FTO: variants seen among roughly 807,000 people sequenced by gnomAD.
The protein encoded by FTO is alpha-ketoglutarate-dependent dioxygenase FTO.
FTO carries 47 observed loss-of-function variants against 63.9 expected under a neutral mutation model. The ratio of observed to expected loss-of-function variants is 0.74; its 90% CI spans 0.58 to 0.94. FTO has a LOEUF of 0.94. Among genes scored for constraint, FTO ranks in the 40% least tolerant of loss-of-function variants. FTO has a pLI of 0.00. For synonymous variants in FTO, 207 were observed against 224.4 expected (o/e 0.92, Z 0.69); for missense variants, 562 against 618.1 (o/e 0.91, Z 0.96).
chr16:53,841,691 G>A (rs1222169670), intron 3 of FTO, among the ~76,000 whole-genome samples: 1 of 152,090 alleles, frequency 6.6e-6, no homozygotes, highest in Admixed American at 6.6e-5. Context: ...GGTAGAGTAC[G>A]ACATTCAGAA....
intron 1 of FTO, among the ~76,000 whole-genome samples, chr16:53,773,572 G>C (rs958428045): frequency 6.6e-6 from 1 of 152,112 alleles, no homozygotes; most frequent in Non-Finnish European, 1.5e-5. Context: ...ACTAACAGGG[G>C]TACTTACCAA....
chr16:53,937,110 C>T (rs868002670), intron 8 of FTO: 13 of 396,524 alleles, frequency 3.3e-5, no homozygotes, highest in Middle Eastern at 6.3e-4. Flanking sequence ...TTGGGGTAAC[C>T]GAGTTTGTCA....
intron 8 of FTO, chr16:53,993,675 C>T (rs925088051): frequency 1.3e-5 from 2 of 152,180 alleles, no homozygotes. Flanking sequence ...TCTACCAATC[C>T]TCCTTTTGTA....
intron 8 of FTO, among the ~76,000 whole-genome samples, chr16:54,100,313 G>T (rs1336144531): frequency 6.6e-6 from 1 of 152,156 alleles, no homozygotes; most frequent in Non-Finnish European, 1.5e-5. Context: ...AATAGAAGAT[G>T]TATAGAATCC....
intron 2 of FTO, among the ~76,000 whole-genome samples, chr16:53,816,613 C>G (rs535007013): frequency 2.6e-5 from 4 of 151,982 alleles, no homozygotes; most frequent in African/African-American, 9.7e-5. Flanking sequence ...GGAACTCTCT[C>G]ATCCCCCCAG....
chr16:53,789,771 C>T (rs2042030), intron 1 of FTO, among the ~76,000 whole-genome samples: 14,568 of 131,538 alleles, frequency 0.11, 925 homozygotes, highest in Middle Eastern at 0.3. Context: ...TATATATACA[C>T]ACACACACAC....
intron 8 of FTO, among the ~76,000 whole-genome samples, chr16:53,988,991 A>T (rs1232382129): frequency 6.6e-6 from 1 of 152,124 alleles, no homozygotes; most frequent in Non-Finnish European, 1.5e-5. Context: ...TAAAAATGAA[A>T]AGAAATGAGG....
chr16:53,977,978 T>C (rs2083464889), intron 8 of FTO, among the ~76,000 whole-genome samples: 1 of 152,080 alleles, frequency 6.6e-6, no homozygotes, highest in East Asian at 1.9e-4. Flanking sequence ...CCTACCTGTC[T>C]CCCAGGTAGC....
intron 8 of FTO, chr16:53,979,649 C>T: frequency 2.6e-6 from 1 of 387,452 alleles, no homozygotes; most frequent in Non-Finnish European, 4.6e-6. Flanking sequence ...GCTGCAGTGC[C>T]TATGAGCTCA....
At chr16:53,898,251 A>G (rs984187811) in intron 7 of FTO, among the ~76,000 whole-genome samples, 1 of 152,116 alleles carries the variant, frequency 6.6e-6, no homozygotes, top group African/African-American at 2.4e-5. Context: ...TGTCTAGAAC[A>G]TGCCCAGCCC....
At chr16:54,001,380 A>G (rs2084063039) in intron 8 of FTO, among the ~76,000 whole-genome samples, 1 of 152,100 alleles carries the variant, frequency 6.6e-6, no homozygotes, top group African/African-American at 2.4e-5. Context: ...TCGTCTTCTG[A>G]GTATGATTCC....
intron 7 of FTO, among the ~76,000 whole-genome samples, chr16:53,896,526 A>G (rs918499088): frequency 3.3e-5 from 5 of 152,196 alleles, no homozygotes; most frequent in African/African-American, 1.2e-4. Context: ...TATTTGGAAT[A>G]TTATCAAGAT....
intron 1 of FTO, among the ~76,000 whole-genome samples, chr16:53,727,522 A>T (rs576914728): frequency 5.3e-5 from 8 of 152,374 alleles, no homozygotes; most frequent in African/African-American, 1.9e-4. Flanking sequence ...GGTCAGTCTT[A>T]TGCAATTTAT....
At chr16:53,853,398 T>G (rs1456615708) in intron 4 of FTO, among the ~76,000 whole-genome samples, 1 of 152,152 alleles carries the variant, frequency 6.6e-6, no homozygotes, top group Admixed American at 6.6e-5. Context: ...AAGTCTGGTA[T>G]TTTAATGTAC....
At chr16:53,750,741 TC>T (rs2076769301) in intron 1 of FTO, among the ~76,000 whole-genome samples, 1 of 152,194 alleles carries the variant, frequency 6.6e-6, no homozygotes, top group South Asian at 2.1e-4. Context: ...AAATGTGAGT[TC>T]CTGGAGAATT....
chr16:53,748,403 G>A (rs1316284506), intron 1 of FTO, among the ~76,000 whole-genome samples: 1 of 152,000 alleles, frequency 6.6e-6, no homozygotes. Flanking sequence ...TTATTCCTAA[G>A]TATTATTTTT....
At chr16:54,033,778 T>C (rs1372730921) in intron 8 of FTO, among the ~76,000 whole-genome samples, 4 of 152,160 alleles carry the variant, frequency 2.6e-5, no homozygotes, top group Non-Finnish European at 5.9e-5. Context: ...GATCATGCCA[T>C]GTACTCCAGG....
intron 8 of FTO, among the ~76,000 whole-genome samples, chr16:54,108,792 A>G (rs1292147336): frequency 6.6e-6 from 1 of 152,230 alleles, no homozygotes; most frequent in Non-Finnish European, 1.5e-5. Flanking sequence ...ACTGAGGCTC[A>G]GCGAGGTAAC....
intron 7 of FTO, among the ~76,000 whole-genome samples, chr16:53,919,030 T>C (rs2081949684): frequency 6.6e-6 from 1 of 152,216 alleles, no homozygotes; most frequent in African/African-American, 2.4e-5. Context: ...TGAAAGCACT[T>C]TCCGAACTTT....
Sources: allele counts gnomAD v4.1 joint callset (sites outside exome capture counted in the v4.1 genomes callset), GRCh38; gene constraint gnomAD v4.1.1; transcripts MANE v1.5; gene names NCBI Gene and HGNC (gene_info 2026-07-23, HGNC 2026-07-21).